Variants in OSMR observed in about 807,000 individuals in gnomAD.
OSMR encodes oncostatin M receptor.
OSMR carries 81 observed loss-of-function variants against 99.9 expected under a neutral mutation model. The observed-to-expected ratio is 0.81, with a 90% confidence interval of 0.68 to 0.97. The LOEUF is 0.97. Ranked by LOEUF, OSMR falls within the 50% of genes least tolerant of loss-of-function variation. The pLI is 0.00. For missense variants in OSMR, 1,099 were observed against 1,153.4 expected (o/e 0.95, Z 0.68); for synonymous variants, 406 against 410.4 (o/e 0.99, Z 0.13).
chr5:38,927,210 A>G (rs1048435655), intron 15 of OSMR, among the ~76,000 whole-genome samples: 6 of 152,132 alleles, frequency 3.9e-5, no homozygotes, highest in African/African-American at 9.7e-5. Context: ...ACATGGTGCA[A>G]GCTGTTGGTG....
intron 7 of OSMR, among the ~76,000 whole-genome samples, chr5:38,890,316 T>A (rs1203034901): frequency 6.6e-6 from 1 of 152,184 alleles, no homozygotes; most frequent in Non-Finnish European, 1.5e-5. Context: ...TTTAACAAGG[T>A]CATCATGCAT....
At chr5:38,900,400 C>A (rs890650452) in intron 7 of OSMR, among the ~76,000 whole-genome samples, 1 of 152,152 alleles carries the variant, frequency 6.6e-6, no homozygotes, top group Non-Finnish European at 1.5e-5. Context: ...GCCTACTTGA[C>A]TTTTCAGTCT....
At position 38,903,700 on chromosome 5, in the gene OSMR, A is replaced by G. The variant is rs529130092; in HGVS notation, c.992-182A>G. ...TTTGTTCAATGCATGCAGTAGAATCATTGAGAGAGAAAGGCTGTAGTTGGC... is the reference window on the plus strand; with the variant it reads ...TTTGTTCAATGCATGCAGTAGAATCGTTGAGAGAGAAAGGCTGTAGTTGGC... On this transcript the variant is annotated intron_variant, in intron 7 of 17. Coordinates refer to ENST00000274276, the MANE Select transcript of OSMR (RefSeq NM_003999.3). 4.9e-5 allele frequency: 39 copies of G among 800,042 alleles called. No homozygotes were observed. In the African/African-American group the frequency reaches 6.4e-4, roughly 13 times the overall value. The allele number at this position is 800,042 out of a possible 1,614,324, so 49.6% of individuals were successfully genotyped here.
chr5:38,940,556 A>T (rs1257709990), downstream of OSMR: 1 of 232,536 alleles, frequency 4.3e-6, no homozygotes, highest in African/African-American at 2.2e-5. Context: ...AAGTATAAAA[A>T]AATTATTTAT....
intron 2 of OSMR, among the ~76,000 whole-genome samples, chr5:38,869,659 T>C (rs1461426160): frequency 6.6e-6 from 1 of 152,170 alleles, no homozygotes; most frequent in African/African-American, 2.4e-5. Context: ...ATAAATAATA[T>C]TTGTCACTTA....
intron 7 of OSMR, among the ~76,000 whole-genome samples, chr5:38,903,561 T>TTC (rs1465834733): frequency 3.3e-5 from 5 of 152,244 alleles, no homozygotes; most frequent in Non-Finnish European, 7.3e-5. Flanking sequence ...GGTTACACTC[T>TTC]GAGTTCTGTT....
At chr5:38,915,906 G>GT (rs1217667045) in intron 9 of OSMR, among the ~76,000 whole-genome samples, 1 of 152,208 alleles carries the variant, frequency 6.6e-6, no homozygotes, top group Non-Finnish European at 1.5e-5. Flanking sequence ...ATCAATACCT[G>GT]TGAGTCCCTT....
At chr5:38,905,093 A>G (rs1314165283) in intron 9 of OSMR, among the ~76,000 whole-genome samples, 1 of 152,082 alleles carries the variant, frequency 6.6e-6, no homozygotes, top group African/African-American at 2.4e-5. Context: ...TCTCCCTCCA[A>G]CTCAATGTCA....
chr5:38,868,983 G>A, intron 1 of OSMR, 49 bp from the exon 2 acceptor site: 12 of 1,595,530 alleles, frequency 7.5e-6, no homozygotes, highest in Non-Finnish European at 1.0e-5. Flanking sequence ...AAATTTGCCA[G>A]TATTGAAAAT....
chr5:38,891,696 A>T (rs1014273878), intron 7 of OSMR, among the ~76,000 whole-genome samples: 1 of 152,092 alleles, frequency 6.6e-6, no homozygotes, highest in Admixed American at 6.5e-5. Context: ...GTCTTTAGAG[A>T]GGTACCATTC....
At chr5:38,932,650 G>A (rs1456751190) in intron 17 of OSMR, 115 bp downstream of exon 17, 15 of 1,547,736 alleles carry the variant, frequency 9.7e-6, no homozygotes, top group Non-Finnish European at 1.2e-5. Flanking sequence ...CACAGTAAAA[G>A]CCATCTTTGC....
chr5:38,942,009 T>C (rs775125617), intron 1 of OSMR: 4 of 287,782 alleles, frequency 1.4e-5, no homozygotes, highest in Non-Finnish European at 2.6e-5. Flanking sequence ...TGAAAGAAAA[T>C]AGAAAACCTA....
intron 1 of OSMR, among the ~76,000 whole-genome samples, chr5:38,862,607 G>A (rs1368450344): frequency 2.2e-4 from 33 of 151,060 alleles, no homozygotes; most frequent in Admixed American, 4.6e-4. Context: ...AGACCGGGTC[G>A]CGGCCAGGCA....
Position 38,932,026 on chromosome 5 carries a change from T to C in OSMR, c.2294+62T>C, listed in dbSNP as rs888550481. 7 of 1,214,118 alleles carry C rather than the reference T, an allele frequency of 5.8e-6. No individual in the cohort carries two copies. The Admixed American group carries it at 1.0e-4, about 18-fold the overall frequency. The allele number at this position is 1,214,118 out of a possible 1,614,324, so 75.2% of individuals were successfully genotyped here. ...TAAGAGAAAAGTCTGGAAAGAGATT[T>C]AGTAAGATAGAAATGACATTGAATA... On this transcript the variant is annotated intron_variant, in intron 16 of 17. Transcript: ENST00000274276.
chr5:38,921,397 G>C, intron 11 of OSMR: 1 of 742,326 alleles, frequency 1.3e-6, no homozygotes, highest in Non-Finnish European at 1.6e-6. Flanking sequence ...AGGTCAACAT[G>C]ATGGGCATCT....
At chr5:38,860,415 TC>T (rs1741194535) in intron 1 of OSMR, among the ~76,000 whole-genome samples, 1 of 152,212 alleles carries the variant, frequency 6.6e-6, no homozygotes, top group South Asian at 2.1e-4. Flanking sequence ...CGGGGATAAA[TC>T]CCACTTGATC....
At chr5:38,941,949 G>C (rs1216798235) in intron 1 of OSMR, 1 of 240,930 alleles carries the variant, frequency 4.2e-6, no homozygotes, top group Non-Finnish European at 8.1e-6. Context: ...ACTTGTGAAG[G>C]GTGCTTCTGC....
chr5:38,876,350 G>T lies in OSMR; in HGVS notation c.223G>T (p.Glu75Ter), dbSNP rs747036123. 6.2e-7 allele frequency: 1 copy of T among 1,613,458 alleles called. No homozygotes were observed. The highest frequency in any genetic ancestry group is 8.5e-7 in the Non-Finnish European group (1 of 1,179,630). ...ATTTCAGATCCAGATCAGTAGGATT[G>T]AAACATCCAATGTCATCTGGGTGGT... ...MVFQIQISRI[E>*]TSNVIWVGNY... The change falls in exon 3 of 18, where the codon GAA becomes TAA. Residue 75 changes from glutamate (E) to a stop codon, truncating the protein, a stop_gained. Coordinates refer to ENST00000274276, the MANE Select transcript of OSMR (RefSeq NM_003999.3). LOFTEE classifies it high-confidence loss of function.
At chr5:38,860,465 T>G (rs1741200245) in intron 1 of OSMR, among the ~76,000 whole-genome samples, 1 of 152,240 alleles carries the variant, frequency 6.6e-6, no homozygotes, top group Middle Eastern at 3.2e-3. Context: ...TGGATTCTAT[T>G]TGCCTAGTAT....
Sources: allele counts gnomAD v4.1 joint callset (sites outside exome capture counted in the v4.1 genomes callset), GRCh38; gene constraint gnomAD v4.1.1; transcripts MANE v1.5; gene names NCBI Gene and HGNC (gene_info 2026-07-23, HGNC 2026-07-21).